Variants in AUTS2 observed in about 807,000 individuals in gnomAD.
The protein encoded by AUTS2 is autism susceptibility gene 2 protein.
A neutral mutation model predicts 112.4 loss-of-function variants in AUTS2; 17 were observed. The observed-to-expected ratio is 0.15, with a 90% CI of 0.10 to 0.23. AUTS2 has a LOEUF of 0.23. Ranked by LOEUF, AUTS2 falls within the 10% of genes least tolerant of loss-of-function variation. AUTS2 has a pLI of 1.00. For missense variants in AUTS2, 1,510 were observed against 1,701.6 expected, an observed-to-expected ratio of 0.89 and a Z score of 1.98; for synonymous variants, 751 against 702.7, an observed-to-expected ratio of 1.07 and a Z score of -1.09.
At chr7:69,798,611 T>A (rs1482482892) in intron 1 of AUTS2, among the ~76,000 whole-genome samples, 1 of 152,150 alleles carries the variant, frequency 6.6e-6, no homozygotes. Context: ...AAGTTAAAAA[T>A]GTGGAGAAAA....
chr7:69,872,967 C>T (rs1464492440), intron 1 of AUTS2, among the ~76,000 whole-genome samples: 5 of 150,556 alleles, frequency 3.3e-5, no homozygotes, highest in Non-Finnish European at 7.4e-5. Flanking sequence ...CTCAGCCTCC[C>T]GAGTAGCTGG....
intron 5 of AUTS2, among the ~76,000 whole-genome samples, chr7:70,626,015 C>A (rs908552431): frequency 6.6e-6 from 1 of 151,994 alleles, no homozygotes; most frequent in Non-Finnish European, 1.5e-5. Flanking sequence ...CAGGTTCAAG[C>A]GATTCTCTTG....
At chr7:70,168,903 A>G (rs1380646301) in intron 4 of AUTS2, among the ~76,000 whole-genome samples, 1 of 152,128 alleles carries the variant, frequency 6.6e-6, no homozygotes, top group African/African-American at 2.4e-5. Context: ...TTAGGTCATC[A>G]TTTCCTCTTT....
chr7:69,983,485 C>G (rs976828115), intron 2 of AUTS2, among the ~76,000 whole-genome samples: 1 of 151,862 alleles, frequency 6.6e-6, no homozygotes, highest in African/African-American at 2.4e-5. Flanking sequence ...ACATGGTAAC[C>G]TGCCAGCATC....
chr7:69,879,778 C>T (rs935831687), intron 1 of AUTS2, among the ~76,000 whole-genome samples: 4 of 152,136 alleles, frequency 2.6e-5, no homozygotes, highest in South Asian at 2.1e-4. Flanking sequence ...AATCACGGCC[C>T]TCAGTCCTTT....
chr7:70,635,560 G>C (rs989092096), intron 5 of AUTS2, among the ~76,000 whole-genome samples: 1 of 152,160 alleles, frequency 6.6e-6, no homozygotes. Context: ...ACACAGAGAG[G>C]GAGAGGAAAC....
intron 3 of AUTS2, among the ~76,000 whole-genome samples, chr7:70,122,865 C>CTTTT (rs11297258): frequency 1.1e-4 from 10 of 93,054 alleles, no homozygotes; most frequent in East Asian, 3.0e-4. Flanking sequence ...GAGATGAAAG[C>CTTTT]TTTTTTTTTT....
At chr7:70,595,063 T>G (rs897123557) in intron 5 of AUTS2, among the ~76,000 whole-genome samples, 22 of 151,554 alleles carry the variant, frequency 1.5e-4, no homozygotes, top group African/African-American at 5.1e-4. Context: ...ATTGCACCAT[T>G]GCACTCCAGC....
At chr7:69,667,836 T>A (rs1796138924) in intron 1 of AUTS2, among the ~76,000 whole-genome samples, 1 of 152,150 alleles carries the variant, frequency 6.6e-6, no homozygotes, top group African/African-American at 2.4e-5. Flanking sequence ...GGCCCACAGT[T>A]TTCCTGACCA....
intron 5 of AUTS2, among the ~76,000 whole-genome samples, chr7:70,500,611 T>C (rs1051205417): frequency 1.3e-5 from 2 of 152,218 alleles, no homozygotes; most frequent in African/African-American, 2.4e-5. Flanking sequence ...TCTCAAGTTG[T>C]TCTACCACGC....
intron 1 of AUTS2, among the ~76,000 whole-genome samples, chr7:69,735,110 T>G (rs1786969812): frequency 6.6e-6 from 1 of 152,208 alleles, no homozygotes; most frequent in African/African-American, 2.4e-5. Flanking sequence ...CTATGTCAAG[T>G]CTCTTACCCA....
intron 5 of AUTS2, among the ~76,000 whole-genome samples, chr7:70,526,470 G>A (rs1194637549): frequency 2.6e-5 from 4 of 152,100 alleles, no homozygotes; most frequent in Non-Finnish European, 4.4e-5. Context: ...CCAGGAGTTG[G>A]AGACCAGCCT....
At chr7:69,710,769 T>A (rs957388611) in intron 1 of AUTS2, among the ~76,000 whole-genome samples, 4 of 152,220 alleles carry the variant, frequency 2.6e-5, no homozygotes, top group African/African-American at 9.6e-5. Flanking sequence ...CTGTTTAAAT[T>A]TCTGTCTGGT....
rs149473203 is a variant in AUTS2, at chr7:70,027,167, A to G, written c.523-90965A>G. On this transcript the variant is annotated intron_variant, in intron 2 of 18. Transcript: ENST00000342771. Reference sequence around the variant, plus strand: ...TTTTTGACTTTTGATATTTTCAACTAACAATGGGCTTATTGGGATATAACC... The same window carrying G: ...TTTTTGACTTTTGATATTTTCAACTGACAATGGGCTTATTGGGATATAACC... Among the ~76,000 whole-genome samples the G allele has an allele frequency of 1.4e-3, 220 of 152,278 alleles. 3 individuals carry two copies. Among genetic ancestry groups the G allele is most frequent in the Admixed American group, 0.012 (181 of 15,296 alleles).
intron 4 of AUTS2, among the ~76,000 whole-genome samples, chr7:70,340,810 G>A (rs767049702): frequency 3.3e-5 from 5 of 152,152 alleles, no homozygotes; most frequent in Admixed American, 1.3e-4. Context: ...ACATCATTTC[G>A]CAGCATGCAG....
rs539239224 is a variant in AUTS2, at chr7:70,136,324, G to T, written c.660+1753G>T. 3.3e-5 allele frequency among the ~76,000 whole-genome samples: 5 copies of T among 152,292 alleles called. No individual in the cohort carries two copies. The South Asian group carries it at 1.0e-3, about 32-fold the overall frequency. ...TACATGGAGAAGATACATACCAGATGTGTATTCAGCTTTCAACTGTGACAA... is the reference window on the plus strand; with the variant it reads ...TACATGGAGAAGATACATACCAGATTTGTATTCAGCTTTCAACTGTGACAA... On this transcript the variant is annotated intron_variant, in intron 4 of 18. Transcript: ENST00000342771.
chr7:70,194,429 A>T lies in AUTS2; in HGVS notation c.660+59858A>T, dbSNP rs186783977. Among the ~76,000 whole-genome samples, 504 of 152,234 alleles carry T rather than the reference A, an allele frequency of 3.3e-3. 2 individuals carry two copies. Among genetic ancestry groups the T allele is most frequent in the Middle Eastern group, 0.01 (3 of 292 alleles). On this transcript the variant is annotated intron_variant, in intron 4 of 18. Transcript: ENST00000342771. ...TCTCAAAAATAAATAAATAAATAAA[A>T]AATAAAAAAAGTTTGACCAGAGGAC...
intron 1 of AUTS2, among the ~76,000 whole-genome samples, chr7:69,683,081 G>A (rs1249557757): frequency 1.3e-5 from 2 of 152,244 alleles, no homozygotes; most frequent in African/African-American, 2.4e-5. Flanking sequence ...CCATTGCTGG[G>A]GGGAATGCCG....
At chr7:69,886,178 A>C (rs1794262133) in intron 1 of AUTS2, among the ~76,000 whole-genome samples, 2 of 152,250 alleles carry the variant, frequency 1.3e-5, no homozygotes, top group Non-Finnish European at 2.9e-5. Context: ...GCCAATCAAA[A>C]TTAGGTTGAG....
Sources: allele counts gnomAD v4.1 joint callset (sites outside exome capture counted in the v4.1 genomes callset), GRCh38; gene constraint gnomAD v4.1.1; transcripts MANE v1.5; gene names NCBI Gene and HGNC (gene_info 2026-07-23, HGNC 2026-07-21).